Variants in TIE1 observed in about 807,000 individuals in gnomAD.
TIE1 encodes the protein tyrosine kinase with immunoglobulin like and EGF like domains 1.
A neutral mutation model predicts 130.5 loss-of-function variants in TIE1; 89 were observed. The observed-to-expected ratio is 0.68, with a 90% CI of 0.57 to 0.81. The LOEUF (loss-of-function observed/expected upper bound fraction) is 0.81, where lower values mean the gene tolerates loss of function less well. TIE1 is among the 40% of genes least tolerant of loss of function. TIE1 has a pLI of 0.00. For synonymous variants in TIE1, 568 were observed against 629.4 expected, an observed-to-expected ratio of 0.90 and a Z score of 1.46; for missense variants, 1,392 against 1,559.8, an observed-to-expected ratio of 0.89 and a Z score of 1.81.
chr1:43,302,328 A>C (rs1557438415), intron 1 of TIE1: 1 of 152,174 alleles, frequency 6.6e-6, no homozygotes, highest in Non-Finnish European at 1.5e-5. Flanking sequence ...TGTGCTTGGT[A>C]AGGATTTCTG....
intron 19 of TIE1, chr1:43,320,520 C>A (rs1289488009): frequency 1.3e-5 from 2 of 152,150 alleles, no homozygotes; most frequent in Non-Finnish European, 2.9e-5. Flanking sequence ...GAGTTTGAGA[C>A]CAGCCTGGGC....
At position 43,312,013 on chromosome 1, in the gene TIE1, G is replaced by A; in HGVS notation, c.1512G>A (p.Val504=). ...STIVVDPSEN[V]TLMNLRPKTG... ...GCCCAGTGGACCCCAGTGAGAACGT[G>A]ACGTTAATGAACCTGAGGCCAAAGA... The change falls in exon 11 of 23, where the codon GTG becomes GTA. Residue 504 remains valine, a synonymous_variant. Transcript: ENST00000372476. The surrounding 1 kb of genome is among the most constrained non-coding windows in gnomAD (Gnocchi z 5.6). 6.3e-7 allele frequency: 1 copy of A among 1,598,272 alleles called. No homozygotes were observed. Among genetic ancestry groups the A allele is most frequent in the Non-Finnish European group, 8.5e-7 (1 of 1,169,826 alleles).
In TIE1 at chr1:43,319,318, G is replaced by C. The variant is rs1190019211; in HGVS notation, c.3006G>C (p.Arg1002=). 1 of 1,613,976 alleles carries C rather than the reference G, an allele frequency of 6.2e-7. No homozygotes were observed. The highest frequency in any genetic ancestry group is 8.5e-7 in the Non-Finnish European group (1 of 1,180,002). ...ASKIADFGLS[R]GEEVYVKKTM... Reference sequence around the variant, plus strand: ...AGATTGCAGACTTCGGCCTTTCTCGGGGAGAGGAGGTTTATGTGAAGAAGA... The same window carrying C: ...AGATTGCAGACTTCGGCCTTTCTCGCGGAGAGGAGGTTTATGTGAAGAAGA... The change falls in exon 18 of 23, where the codon CGG becomes CGC. Residue 1002 remains arginine, a synonymous_variant. Coordinates refer to ENST00000372476, the MANE Select transcript of TIE1 (RefSeq NM_005424.5). This position sits in a 1 kb window ranked among gnomAD's most constrained non-coding sequence, Gnocchi z 4.7.
chr1:43,317,675 G>A lies in TIE1; in HGVS notation c.2731+1G>A. ...CTCCTGGGGGCCTGTAAGAACCGAG[G>A]TGAGCCCCCAGCTCATCACCTACCC... On this transcript the variant is annotated splice_donor_variant, in intron 16 of 22. Coordinates refer to ENST00000372476, the MANE Select transcript of TIE1 (RefSeq NM_005424.5). LOFTEE classifies it high-confidence loss of function. The surrounding 1 kb of genome is among the most constrained non-coding windows in gnomAD (Gnocchi z 5.1). 6.4e-7 allele frequency: 1 copy of A among 1,572,856 alleles called. No individual in the cohort carries two copies. Among genetic ancestry groups the A allele is most frequent in the Non-Finnish European group, 8.6e-7 (1 of 1,157,822 alleles).
At chr1:43,303,611 T>TC (rs1301536445) in intron 1 of TIE1, among the ~76,000 whole-genome samples, 1 of 152,088 alleles carries the variant, frequency 6.6e-6, no homozygotes, top group African/African-American at 2.4e-5. Context: ...TAAGGCAGGC[T>TC]CGCAGGCTCT....
At chr1:43,321,213 T>G in intron 19 of TIE1, 56 bp from the exon 20 acceptor site, 1 of 1,602,106 alleles carries the variant, frequency 6.2e-7, no homozygotes. Flanking sequence ...AGGTAGAAGC[T>G]AAACTGCTAG....
rs745740830 is a variant in TIE1, at chr1:43,313,181, C to G, written c.1974C>G (p.Ser658=). ...TCCACGCCCAGGCCCTCTCAGACTC[C>G]GAGATCCAGCTGACATGGAAGCACC... ...RHLHAQALSD[S]EIQLTWKHPE... The change falls in exon 13 of 23, where the codon TCC becomes TCG. Residue 658 remains serine, a synonymous_variant. Coordinates refer to ENST00000372476, the MANE Select transcript of TIE1 (RefSeq NM_005424.5). The surrounding 1 kb of genome is among the most constrained non-coding windows in gnomAD (Gnocchi z 6.2). 4.3e-6 allele frequency: 7 copies of G among 1,613,436 alleles called. No individual in the cohort carries two copies. Among genetic ancestry groups the G allele is most frequent in the Non-Finnish European group, 5.9e-6 (7 of 1,179,810 alleles).
intron 14 of TIE1, chr1:43,314,383 G>A: frequency 8.9e-7 from 1 of 1,126,926 alleles, no homozygotes; most frequent in Non-Finnish European, 1.1e-6. Context: ...GTCCTTGCAG[G>A]CCTTCCTGGG....
At position 43,321,393 on chromosome 1, in the gene TIE1, C is replaced by T; in HGVS notation, c.3149-3C>T. On this transcript the variant is annotated splice_region_variant and splice_polypyrimidine_tract_variant and intron_variant, in intron 20 of 22. Coordinates refer to ENST00000372476, the MANE Select transcript of TIE1 (RefSeq NM_005424.5). ...ACCGAGAGCACTTTGTCCCCTCCTG[C>T]AGGAGGTACACCCTACTGTGGCATG... 2 of 1,614,006 alleles carry T rather than the reference C, an allele frequency of 1.2e-6. No homozygotes were observed. Among genetic ancestry groups the T allele is most frequent in the Non-Finnish European group, 1.7e-6 (2 of 1,179,932 alleles).
rs751485552 is a variant in TIE1 at position 43,317,661 on chromosome 1, C to T, written c.2718C>T (p.Ala906=). ...CCAACATCATCAACCTCCTGGGGGC[C>T]TGTAAGAACCGAGGTGAGCCCCCAG... ...HHPNIINLLG[A]CKNRGYLYIA... Residue 906 remains alanine (A), a synonymous_variant, in exon 16 of 23, where the codon GCC becomes GCT. Coordinates refer to ENST00000372476, the MANE Select transcript of TIE1 (RefSeq NM_005424.5). This position sits in a 1 kb window ranked among gnomAD's most constrained non-coding sequence, Gnocchi z 5.1. 1 of 1,586,056 alleles carries T rather than the reference C, an allele frequency of 6.3e-7. No homozygotes were observed. Among genetic ancestry groups the T allele is most frequent in the Non-Finnish European group, 8.6e-7 (1 of 1,164,988 alleles).
chr1:43,307,540 G>A lies in TIE1; in HGVS notation c.881G>A (p.Gly294Glu). Residue 294 changes from glycine to glutamate, a missense_variant, in exon 6 of 23, where the codon GGA (glycine) becomes GAA (glutamate). This residue lies in a region of TIE1 where 415 missense variants were observed against 424.8 expected (regional missense o/e 0.98). Coordinates refer to ENST00000372476, the MANE Select transcript of TIE1 (RefSeq NM_005424.5). The surrounding 1 kb of genome is among the most constrained non-coding windows in gnomAD (Gnocchi z 5.4). ...CLPDPYGCSC[G>E]SGWRGSQCQE... ...CCAGACCCCTATGGCTGCTCTTGTGGATCTGGCTGGAGAGGAAGCCAGTGC... is the reference window on the plus strand; with the variant it reads ...CCAGACCCCTATGGCTGCTCTTGTGAATCTGGCTGGAGAGGAAGCCAGTGC... 6.2e-7 allele frequency: 1 copy of A among 1,614,132 alleles called. No individual in the cohort carries two copies. Among genetic ancestry groups the A allele is most frequent in the Non-Finnish European group, 8.5e-7 (1 of 1,180,024 alleles).
intron 7 of TIE1, among the ~76,000 whole-genome samples, chr1:43,308,563 T>C (rs1646754959): frequency 6.6e-6 from 1 of 151,344 alleles, no homozygotes; most frequent in African/African-American, 2.4e-5. Flanking sequence ...CCAAAGAGTT[T>C]GCACTTCATA....
Position 43,318,100 on chromosome 1 carries a change from C to A in TIE1, c.2922+28C>A. On this transcript the variant is annotated intron_variant, in intron 17 of 22. Coordinates refer to ENST00000372476, the MANE Select transcript of TIE1 (RefSeq NM_005424.5). The surrounding 1 kb of genome is among the most constrained non-coding windows in gnomAD (Gnocchi z 4.4). ...GTGTGTGAGTGGGGGCGGGTGGAGG[C>A]CAGAGGGGGAAGCCACTGGGCTGGT... 1.3e-6 allele frequency: 2 copies of A among 1,516,996 alleles called. No individual in the cohort carries two copies. Among genetic ancestry groups the A allele is most frequent in the Non-Finnish European group, 1.8e-6 (2 of 1,133,466 alleles). 94.0% of individuals were successfully genotyped at this position (1,516,996 alleles called of 1,614,324 possible).
rs1570434036 is a variant in TIE1 at position 43,307,695 on chromosome 1, T to G, written c.914-101T>G. On this transcript the variant is annotated intron_variant, in intron 6 of 22. Transcript: ENST00000372476. The surrounding 1 kb of genome is among the most constrained non-coding windows in gnomAD (Gnocchi z 5.4). ...CCTGCTCACTTGACCAGTCCTTCTA[T>G]CCTCAGCCTGTTGTATAACCTGTGC... 6 of 1,599,160 alleles carry G rather than the reference T, an allele frequency of 3.8e-6. No homozygotes were observed. The East Asian group carries it at 1.3e-4, about 36-fold the overall frequency.
At position 43,313,353 on chromosome 1, in the gene TIE1, T is replaced by C. The variant is rs2153912049; in HGVS notation, c.2146T>C (p.Phe716Leu). The change falls in exon 13 of 23, where the codon TTC becomes CTC. Residue 716 changes from phenylalanine (F) to leucine (L), a missense_variant. Physicochemically the swap from Phe to Leu is conservative, Grantham distance 22. Transcript: ENST00000372476. The surrounding 1 kb of genome is among the most constrained non-coding windows in gnomAD (Gnocchi z 6.2). ...CCTCAACGCCAGCACGCGCTACCTC[T>C]TCCGCATGCGGGCCAGCATTCAGGG... ...RGLNASTRYL[F>L]RMRASIQGLG... 1 of 1,613,998 alleles carries C rather than the reference T, an allele frequency of 6.2e-7. No individual in the cohort carries two copies. The highest frequency in any genetic ancestry group is 2.2e-5 in the East Asian group (1 of 44,866).
Position 43,318,582 on chromosome 1 carries a change from C to A in TIE1, c.2922+510C>A, listed in dbSNP as rs1450207821. On this transcript the variant is annotated intron_variant, in intron 17 of 22. Transcript: ENST00000372476. This position sits in a 1 kb window ranked among gnomAD's most constrained non-coding sequence, Gnocchi z 4.4. ...GCAGTGGTGCGATTTCAGCTCACTACAACCTCTGCCTCCTGGGTTCAAGCA... is the reference window on the plus strand; with the variant it reads ...GCAGTGGTGCGATTTCAGCTCACTAAAACCTCTGCCTCCTGGGTTCAAGCA... Among the ~76,000 whole-genome samples, 1 of 151,990 alleles carries A rather than the reference C, an allele frequency of 6.6e-6. No homozygotes were observed. The highest frequency in any genetic ancestry group is 1.5e-5 in the Non-Finnish European group (1 of 67,980).
intron 1 of TIE1, among the ~76,000 whole-genome samples, chr1:43,303,177 T>C (rs1297435935): frequency 1.3e-5 from 2 of 152,096 alleles, no homozygotes; most frequent in Non-Finnish European, 2.9e-5. Context: ...GATGACTCCA[T>C]AGTTTGTGTC....
chr1:43,317,307 A>G lies in TIE1; in HGVS notation c.2518A>G (p.Thr840Ala). 1 of 1,613,882 alleles carries G rather than the reference A, an allele frequency of 6.2e-7. No homozygotes were observed. The highest frequency in any genetic ancestry group is 8.5e-7 in the Non-Finnish European group (1 of 1,179,958). Reference sequence around the variant, plus strand: ...CCCAGTGCTAGAGTGGGAGGACATCACCTTTGAGGACCTCATCGGGGAGGG... The same window carrying G: ...CCCAGTGCTAGAGTGGGAGGACATCGCCTTTGAGGACCTCATCGGGGAGGG... ...SYPVLEWEDI[T>A]FEDLIGEGNF... is the part of the protein sequence containing the mutation. The change falls in exon 15 of 23, where the codon ACC (threonine) becomes GCC (alanine). Residue 840 changes from threonine (T) to alanine (A), a missense_variant. Thr to Ala is a moderately conservative substitution (Grantham distance 58, BLOSUM62 0). Transcript: ENST00000372476. This position sits in a 1 kb window ranked among gnomAD's most constrained non-coding sequence, Gnocchi z 5.1.
Position 43,312,131 on chromosome 1 carries a change from G to A in TIE1, c.1630G>A (p.Glu544Lys), listed in dbSNP as rs1413466078. The change falls in exon 11 of 23, where the codon GAG (glutamate) becomes AAG (lysine). Residue 544 changes from glutamate to lysine, a missense_variant and splice_region_variant. Glu to Lys is a moderately conservative substitution (Grantham distance 56). Around this residue, in one of 6 missense-constraint regions of TIE1, gnomAD observed 551 missense variants for 565.5 expected, o/e 0.97. Coordinates refer to ENST00000372476, the MANE Select transcript of TIE1 (RefSeq NM_005424.5). This position sits in a 1 kb window ranked among gnomAD's most constrained non-coding sequence, Gnocchi z 5.6. The part of the protein sequence containing the change: ...PPTLMTTDCP[E>K]PLLQPWLEGW... ...CACCCTCATGACCACAGACTGTCCT[G>A]GTGAGAGGCCAAGAGTCATCCCTTC... 3.2e-6 allele frequency: 5 copies of A among 1,543,314 alleles called. No individual in the cohort carries two copies. The highest frequency in any genetic ancestry group is 3.5e-6 in the Non-Finnish European group (4 of 1,144,790).
Sources: allele counts gnomAD v4.1 joint callset (sites outside exome capture counted in the v4.1 genomes callset), GRCh38; gene constraint gnomAD v4.1.1; regional missense constraint gnomAD v4.1.1; non-coding constraint Gnocchi (gnomAD v3.1); transcripts MANE v1.5; gene names NCBI Gene and HGNC (gene_info 2026-07-23, HGNC 2026-07-21).